Variants in SYNE1 observed in about 807,000 individuals in gnomAD.
SYNE1 encodes the protein spectrin repeat containing nuclear envelope protein 1.
SYNE1 carries 616 observed loss-of-function variants against 1,111.0 expected under a neutral mutation model. That is an observed-to-expected ratio of 0.55 (90% CI 0.52 to 0.59). The LOEUF is 0.59. Among genes scored for constraint, SYNE1 ranks in the 20% least tolerant of loss-of-function variants. The pLI is 0.00. For synonymous variants in SYNE1, 3,855 were observed against 3,825.8 expected (o/e 1.01, Z -0.28); for missense variants, 10,006 against 10,417.0 (o/e 0.96, Z 1.72).
At chr6:152,208,400 T>C (rs1030490425) in intron 124 of SYNE1, among the ~76,000 whole-genome samples, 194 bp from the exon 125 acceptor site, 6 of 152,104 alleles carry the variant, frequency 3.9e-5, no homozygotes, top group African/African-American at 1.2e-4. Context: ...AAACCACCAG[T>C]GTTTGCAAAT....
intron 91 of SYNE1, among the ~76,000 whole-genome samples, chr6:152,303,362 C>T (rs1435188637): frequency 6.8e-6 from 1 of 147,484 alleles, no homozygotes; most frequent in African/African-American, 2.5e-5. Flanking sequence ...AAGATTGTGC[C>T]ACTGTACTCC....
intron 123 of SYNE1, among the ~76,000 whole-genome samples, chr6:152,212,128 A>G (rs1347113157): frequency 1.3e-5 from 2 of 152,194 alleles, no homozygotes; most frequent in Non-Finnish European, 2.9e-5. Context: ...TTTATTGAGT[A>G]ACAATTCACA....
intron 3 of SYNE1, among the ~76,000 whole-genome samples, chr6:152,551,087 CT>C (rs1446621672): frequency 4.6e-5 from 7 of 152,150 alleles, no homozygotes; most frequent in Admixed American, 4.6e-4. Flanking sequence ...TTCCTGACAC[CT>C]TTTCCTTCCT....
chr6:152,421,667 CTTATT>C (rs2098261932), intron 39 of SYNE1, among the ~76,000 whole-genome samples: 1 of 147,612 alleles, frequency 6.8e-6, no homozygotes, highest in African/African-American at 2.5e-5. Context: ...TTCCATTTTC[CTTATT>C]TTATTTATTT....
In SYNE1 at chr6:152,182,591, T is replaced by C. The variant is rs137946246; in HGVS notation, c.23302-2297A>G. Among the ~76,000 whole-genome samples, 58 of 152,358 alleles carry C rather than the reference T, an allele frequency of 3.8e-4. 1 individual carries two copies. The East Asian group carries it at 9.8e-3, about 26-fold the overall frequency. Reference sequence around the variant, plus strand: ...TATGTATTTCAAACAAATTTCCTTTTTAAAATGAAAATGAAAATATTTCTA... The same window carrying C: ...TATGTATTTCAAACAAATTTCCTTTCTAAAATGAAAATGAAAATATTTCTA... On this transcript the variant is annotated intron_variant, in intron 128 of 145. Transcript: ENST00000367255.
intron 3 of SYNE1, among the ~76,000 whole-genome samples, chr6:152,614,593 G>C (rs2128832702): frequency 6.6e-6 from 1 of 152,232 alleles, no homozygotes; most frequent in Middle Eastern, 3.4e-3. Flanking sequence ...CAAGGATCTA[G>C]AACTAGAAAT....
intron 39 of SYNE1, among the ~76,000 whole-genome samples, chr6:152,423,329 T>C (rs891336947): frequency 2.0e-5 from 3 of 152,236 alleles, no homozygotes; most frequent in Non-Finnish European, 4.4e-5. Flanking sequence ...AAGGCTCCTG[T>C]GTATATACAT....
chr6:152,184,194 C>T (rs535345507), intron 128 of SYNE1, among the ~76,000 whole-genome samples: 6 of 152,196 alleles, frequency 3.9e-5, no homozygotes, highest in East Asian at 3.9e-4. Flanking sequence ...CCAGCACTTT[C>T]GGAGACTGAA....
chr6:152,179,673 C>CTTTTTTTTTTTTTTTTTTTTTTT (rs796260764), intron 129 of SYNE1, among the ~76,000 whole-genome samples: 4 of 55,102 alleles, frequency 7.3e-5, no homozygotes, highest in East Asian at 6.9e-4. Context: ...GCTGGATATC[C>CTTTTTTTTTTTTTTTTTTTTTTT]TTTTTTTTTT....
chr6:152,357,108 CTAACTT>C (rs1346825879), intron 66 of SYNE1, among the ~76,000 whole-genome samples: 3 of 152,330 alleles, frequency 2.0e-5, no homozygotes, highest in East Asian at 1.9e-4. Flanking sequence ...TGTGACCCTT[CTAACTT>C]TTAGTATTTA....
At chr6:152,458,038 T>C (rs2098707490) in intron 22 of SYNE1, among the ~76,000 whole-genome samples, 1 of 151,896 alleles carries the variant, frequency 6.6e-6, no homozygotes, top group Non-Finnish European at 1.5e-5. Context: ...GGATATTTAT[T>C]TAATTTTCTT....
rs564723943 is a variant in SYNE1 at position 152,141,100 on chromosome 6, G to A, written c.25246+103C>T. On this transcript the variant is annotated intron_variant, in intron 139 of 145. Transcript: ENST00000367255. ...TGGAAGGAAGTTCTCAGGATAGAAC[G>A]GTGTAGAAGAAGGCCAAGCCCCCTA... The A allele has an allele frequency of 2.4e-5, 36 of 1,474,976 alleles. No individual in the cohort carries two copies. In the African/African-American group the frequency reaches 2.6e-4, roughly 11 times the overall value. The allele number at this position is 1,474,976 out of a possible 1,614,324, so 91.4% of individuals were successfully genotyped here.
intron 4 of SYNE1, among the ~76,000 whole-genome samples, chr6:152,536,433 A>ACTAGTAATATATATATTTATATATATT (rs372742862): frequency 7.8e-6 from 1 of 128,478 alleles, no homozygotes; most frequent in Admixed American, 8.3e-5. Flanking sequence ...TTATATATAT[A>ACTAGTAATATATATATTTATATATATT]ACTATATATA....
rs111274549 is a variant in SYNE1 at position 152,398,510 on chromosome 6, G to A, written c.7350+109C>T. 1.6e-4 allele frequency: 141 copies of A among 874,110 alleles called. No individual in the cohort carries two copies. In the African/African-American group the frequency reaches 1.9e-3, roughly 12 times the overall value. 54.1% of individuals were successfully genotyped at this position (874,110 alleles called of 1,614,324 possible). The stretch of plus-strand genomic sequence containing the variant: ...CAATCAGCCTAATTCTGTTAGGGAC[G>A]AGGAAAAGATTGGCTCAGATAAGAT... On this transcript the variant is annotated intron_variant, in intron 49 of 145. Coordinates refer to ENST00000367255, the MANE Select transcript of SYNE1 (RefSeq NM_182961.4).
chr6:152,138,368 G>A (rs753498295), intron 140 of SYNE1, among the ~76,000 whole-genome samples: 20 of 151,816 alleles, frequency 1.3e-4, no homozygotes, highest in African/African-American at 1.9e-4. Flanking sequence ...ATAAATAGCC[G>A]GGCATGGTGG....
Position 152,461,662 on chromosome 6 carries a change from T to C in SYNE1, c.2329A>G (p.Ser777Gly). 5 of 1,614,050 alleles carry C rather than the reference T, an allele frequency of 3.1e-6. No homozygotes were observed. Among genetic ancestry groups the C allele is most frequent in the Non-Finnish European group, 4.2e-6 (5 of 1,179,956 alleles). ...TKTAHLITKE[S>G]PQEEGKEMFA... ...ATTTCTTTTCCTTCTTCTTGGGGGC[T>C]TTCTTTGGTAATGAGGTGTGCTGTC... is the stretch of plus-strand genomic sequence containing the variant. Residue 777 changes from serine to glycine, a missense_variant, in exon 21 of 146, where the codon AGC becomes GGC. Physicochemically the swap from Ser to Gly is moderately conservative, Grantham distance 56 (BLOSUM62 0). Around this residue, in one of 7 missense-constraint regions of SYNE1, gnomAD observed 1,971 missense variants for 2,084.1 expected, o/e 0.95. Coordinates refer to ENST00000367255, the MANE Select transcript of SYNE1 (RefSeq NM_182961.4).
At chr6:152,463,262 G>A (rs187333426) in intron 19 of SYNE1, 91 bp downstream of exon 19, 339 of 1,573,492 alleles carry the variant, frequency 2.2e-4, no homozygotes, top group African/African-American at 1.6e-3. Flanking sequence ...TAATAAACCC[G>A]TGCTCTAAAA....
At chr6:152,123,469 C>G (rs898912152) in intron 145 of SYNE1, among the ~76,000 whole-genome samples, 2 of 152,182 alleles carry the variant, frequency 1.3e-5, no homozygotes, top group Admixed American at 6.5e-5. Context: ...TCACTTTTAT[C>G]TTCCTTTTAA....
At chr6:152,324,463 T>C (rs1479187393) in intron 81 of SYNE1, among the ~76,000 whole-genome samples, 3 of 151,740 alleles carry the variant, frequency 2.0e-5, no homozygotes, top group Non-Finnish European at 2.9e-5. Flanking sequence ...GGTTTCATGG[T>C]AAAGAAAAAG....
Sources: gnomAD v4.1 joint callset for allele counts (sites outside exome capture counted in the v4.1 genomes callset) on GRCh38, gnomAD v4.1.1 for gene constraint, gnomAD v4.1.1 regional missense constraint, MANE v1.5 for transcripts, NCBI Gene and HGNC (gene_info 2026-07-23, HGNC 2026-07-21) for gene names.